ADARB2: variants seen among roughly 807,000 people sequenced by gnomAD.
ADARB2 encodes adenosine deaminase RNA specific B2 (inactive).
A neutral mutation model predicts 62.2 loss-of-function variants in ADARB2; 25 were observed. The observed-to-expected ratio is 0.40, with a 90% CI of 0.29 to 0.56. The LOEUF is 0.56. Among genes scored for constraint, ADARB2 ranks in the 20% least tolerant of loss-of-function variants. The pLI, the probability that ADARB2 is intolerant of heterozygous loss-of-function variation, is 0.43. For synonymous variants in ADARB2, 572 were observed against 500.8 expected, an observed-to-expected ratio of 1.14 and a Z score of -1.90; for missense variants, 1,071 against 1,077.4, an observed-to-expected ratio of 0.99 and a Z score of 0.08.
chr10:1,486,821 G>A (rs377613355), intron 1 of ADARB2, among the ~76,000 whole-genome samples: 15 of 152,272 alleles, frequency 9.9e-5, no homozygotes, highest in Middle Eastern at 3.4e-3. Flanking sequence ...CAGAAATCTC[G>A]ATTTACTGGT....
At chr10:1,524,059 A>AAGATAGATAGATAGAT (rs34113585) in intron 1 of ADARB2, among the ~76,000 whole-genome samples, 2 of 134,722 alleles carry the variant, frequency 1.5e-5, no homozygotes, top group Non-Finnish European at 3.4e-5. Flanking sequence ...TGGGGATATG[A>AAGATAGATAGATAGAT]AGATAGATAG....
At chr10:1,478,521 T>C (rs554869676) in intron 1 of ADARB2, among the ~76,000 whole-genome samples, 7 of 152,334 alleles carry the variant, frequency 4.6e-5, no homozygotes, top group African/African-American at 1.4e-4. Context: ...CTCAAAATGA[T>C]GATGAGCACC....
At chr10:1,463,885 A>C (rs1364767498) in intron 1 of ADARB2, among the ~76,000 whole-genome samples, 3 of 152,238 alleles carry the variant, frequency 2.0e-5, no homozygotes, top group Admixed American at 2.0e-4. Flanking sequence ...TTGAGCAGAC[A>C]CTTTGCCGAA....
At chr10:1,670,745 G>A (rs1834373825) in intron 1 of ADARB2, among the ~76,000 whole-genome samples, 2 of 152,196 alleles carry the variant, frequency 1.3e-5, no homozygotes, top group East Asian at 1.9e-4. Context: ...CACACAGTGG[G>A]GCCAACACTA....
At chr10:1,385,353 A>G (rs7084367) in intron 1 of ADARB2, among the ~76,000 whole-genome samples, 90,575 of 151,942 alleles carry the variant, frequency 0.6, 27,719 homozygotes, top group East Asian at 0.8. Context: ...AGATAAGGAC[A>G]TTAAATAGAT....
At chr10:1,250,748 T>C (rs1365030908) in intron 4 of ADARB2, among the ~76,000 whole-genome samples, 4 of 152,322 alleles carry the variant, frequency 2.6e-5, no homozygotes, top group Admixed American at 2.0e-4. Flanking sequence ...AAGATAGTTA[T>C]TTGTTTTTAA....
At chr10:1,390,276 G>A (rs1029424899) in intron 1 of ADARB2, among the ~76,000 whole-genome samples, 4 of 152,224 alleles carry the variant, frequency 2.6e-5, no homozygotes, top group African/African-American at 4.8e-5. Context: ...CGTGGAGAAA[G>A]CAGAGCATGG....
chr10:1,394,460 C>T (rs118164677), intron 1 of ADARB2, among the ~76,000 whole-genome samples: 4,428 of 152,308 alleles, frequency 0.029, 90 homozygotes, highest in Admixed American at 0.05. Context: ...CCTGCTGCTT[C>T]GGTTCTCATC....
chr10:1,399,101 A>G (rs972924057), intron 1 of ADARB2, among the ~76,000 whole-genome samples: 1 of 152,204 alleles, frequency 6.6e-6, no homozygotes, highest in Non-Finnish European at 1.5e-5. Context: ...GAAGATTTGC[A>G]GGGACTGGTT....
intron 3 of ADARB2, among the ~76,000 whole-genome samples, chr10:1,337,619 A>G (rs1334658491): frequency 6.6e-6 from 1 of 152,296 alleles, no homozygotes; most frequent in South Asian, 2.1e-4. Context: ...GGGGTTACCC[A>G]TCCCTCCCAC....
chr10:1,303,126 T>G (rs1831591261), intron 3 of ADARB2, among the ~76,000 whole-genome samples: 1 of 151,684 alleles, frequency 6.6e-6, no homozygotes, highest in East Asian at 1.9e-4. Flanking sequence ...GTTGAAAACT[T>G]TGAAAAAAAT....
Position 1,647,626 on chromosome 10 carries a change from G to T in ADARB2, c.100+89425C>A, listed in dbSNP as rs1038913588. 5.3e-5 allele frequency among the ~76,000 whole-genome samples: 8 copies of T among 152,106 alleles called. No individual in the cohort carries two copies. The South Asian group carries it at 8.3e-4, about 16-fold the overall frequency. On this transcript the variant is annotated intron_variant, in intron 1 of 9. Coordinates refer to ENST00000381312, the MANE Select transcript of ADARB2 (RefSeq NM_018702.4). ...TCTGTGTGGGGATATGTATTTATAT[G>T]TGTGTGGATATATATGTGTGGGGGT...
chr10:1,479,168 C>G (rs957214272), intron 1 of ADARB2, among the ~76,000 whole-genome samples: 1 of 152,198 alleles, frequency 6.6e-6, no homozygotes, highest in Admixed American at 6.5e-5. Flanking sequence ...AGCTGCAGTA[C>G]AGAGTCCAAT....
intron 1 of ADARB2, among the ~76,000 whole-genome samples, chr10:1,445,395 T>A (rs1008039581): frequency 1.3e-5 from 2 of 150,028 alleles, no homozygotes; most frequent in Non-Finnish European, 3.0e-5. Flanking sequence ...CACCCATTCA[T>A]CATCCATCTA....
At chr10:1,608,784 G>C (rs1291514147) in intron 1 of ADARB2, among the ~76,000 whole-genome samples, 1 of 147,590 alleles carries the variant, frequency 6.8e-6, no homozygotes, top group Non-Finnish European at 1.5e-5. Flanking sequence ...GAGAAAGAAA[G>C]AAAGAAAGAA....
chr10:1,673,880 C>T (rs1045441992), intron 1 of ADARB2, among the ~76,000 whole-genome samples: 12 of 152,234 alleles, frequency 7.9e-5, no homozygotes, highest in Admixed American at 5.9e-4. Context: ...ACCGACTTCT[C>T]CCTGCCTTCA....
At chr10:1,548,796 C>T (rs939720264) in intron 1 of ADARB2, among the ~76,000 whole-genome samples, 2 of 152,274 alleles carry the variant, frequency 1.3e-5, no homozygotes, top group East Asian at 1.9e-4. Context: ...AATGGTGTCA[C>T]GTGATGCCAG....
chr10:1,496,809 T>C (rs1260084874), intron 1 of ADARB2, among the ~76,000 whole-genome samples: 1 of 152,322 alleles, frequency 6.6e-6, no homozygotes, highest in South Asian at 2.1e-4. Context: ...ACCAACATTG[T>C]CATCATTATC....
At position 1,617,674 on chromosome 10, in the gene ADARB2, A is replaced by G. The variant is rs1467739623; in HGVS notation, c.100+119377T>C. ...TAGATGTTTGTGTGCCCGTCCAGAC[A>G]CACTCCACACCGCCCTGCTGTGCTC... is the stretch of plus-strand genomic sequence containing the variant. On this transcript the variant is annotated intron_variant, in intron 1 of 9. Coordinates refer to ENST00000381312, the MANE Select transcript of ADARB2 (RefSeq NM_018702.4). Among the ~76,000 whole-genome samples, 3 of 149,482 alleles carry G rather than the reference A, an allele frequency of 2.0e-5. 1 individual carries two copies. In the East Asian group the frequency reaches 5.9e-4, roughly 30 times the overall value.
Sources: gnomAD v4.1 joint callset for allele counts (sites outside exome capture counted in the v4.1 genomes callset) on GRCh38, gnomAD v4.1.1 for gene constraint, MANE v1.5 for transcripts, NCBI Gene and HGNC (gene_info 2026-07-23, HGNC 2026-07-21) for gene names.